Variants in ZDHHC20 observed in about 807,000 individuals in gnomAD.
The protein encoded by ZDHHC20 is zDHHC palmitoyltransferase 20, also known as palmitoyltransferase ZDHHC20.
A neutral mutation model predicts 57.8 loss-of-function variants in ZDHHC20; 43 were observed. The observed-to-expected ratio is 0.74, with a 90% CI of 0.58 to 0.96. The LOEUF (loss-of-function observed/expected upper bound fraction) is 0.96, where lower values mean the gene tolerates loss of function less well. Ranked by LOEUF, ZDHHC20 falls within the 40% of genes least tolerant of loss-of-function variation. The pLI, the probability that ZDHHC20 is intolerant of heterozygous loss-of-function variation, is 0.00. For missense variants in ZDHHC20, 391 were observed against 441.1 expected (o/e 0.89, Z 1.02); for synonymous variants, 157 against 153.0 (o/e 1.03, Z -0.19).
rs1378954708 is a variant in ZDHHC20 at position 21,382,970 on chromosome 13, C to G, written c.894G>C (p.Gly298=). Residue 298 remains glycine (G), a synonymous_variant, in exon 10 of 13, where the codon GGG becomes GGC. Transcript: ENST00000400590. ...DGCSFPTRLV[G]MDPEQASVTN... ...TAACAGAAGCTTGTTCTGGATCCAT[C>G]CCCACAAGGCGAGTTGGAAAACTGC... The G allele has an allele frequency of 6.4e-7, 1 of 1,564,588 alleles. No individual in the cohort carries two copies.
At chr13:21,405,776 G>C (rs1878356251) in intron 4 of ZDHHC20, among the ~76,000 whole-genome samples, 1 of 152,114 alleles carries the variant, frequency 6.6e-6, no homozygotes, top group Non-Finnish European at 1.5e-5. Flanking sequence ...AAAATATGGA[G>C]ACCTATTCAA....
chr13:21,425,777 A>G, intron 1 of ZDHHC20, 99 bp from the exon 2 acceptor site: 1 of 797,670 alleles, frequency 1.3e-6, no homozygotes, highest in Non-Finnish European at 1.7e-6. Context: ...ATTTTCAAAA[A>G]AATAAACTTT....
intron 3 of ZDHHC20, among the ~76,000 whole-genome samples, chr13:21,414,228 C>CTTTT (rs34795716): frequency 4.6e-4 from 65 of 140,760 alleles, no homozygotes; most frequent in African/African-American, 1.6e-3. Context: ...GCCAAGGAGT[C>CTTTT]TTTTTTTTTT....
intron 1 of ZDHHC20, among the ~76,000 whole-genome samples, chr13:21,444,977 G>A (rs949756368): frequency 1.7e-4 from 26 of 152,080 alleles, no homozygotes; most frequent in African/African-American, 4.8e-5. Context: ...GATTGCTTGA[G>A]TCTGGGAGTT....
chr13:21,399,873 C>T (rs1877370444), intron 7 of ZDHHC20, among the ~76,000 whole-genome samples: 1 of 152,000 alleles, frequency 6.6e-6, no homozygotes, highest in Non-Finnish European at 1.5e-5. Context: ...GCATTGCATT[C>T]CTTTGTATAG....
intron 1 of ZDHHC20, among the ~76,000 whole-genome samples, chr13:21,442,582 CT>C (rs1883291826): frequency 6.6e-6 from 1 of 152,094 alleles, no homozygotes; most frequent in African/African-American, 2.4e-5. Flanking sequence ...TGGTGAAACC[CT>C]GTCTCTACTA....
At chr13:21,458,481 G>A (rs1398843967) in intron 1 of ZDHHC20, among the ~76,000 whole-genome samples, 1 of 152,100 alleles carries the variant, frequency 6.6e-6, no homozygotes, top group African/African-American at 2.4e-5. Flanking sequence ...AATGAGTCGA[G>A]TACCACCAAA....
rs1871935465 is a variant in ZDHHC20, at chr13:21,375,477, A to G, written c.*1219T>C. On this transcript the variant is annotated 3_prime_UTR_variant, in exon 13 of 13. Transcript: ENST00000400590. ...TGTCGCTTAGATTTTAAAAGGAAAA[A>G]GGAGAAATGTGTCTAGTCATAAAGG... 4.5e-6 allele frequency: 1 copy of G among 223,774 alleles called. No homozygotes were observed. The highest frequency in any genetic ancestry group is 9.0e-6 in the Non-Finnish European group (1 of 111,692). The allele number at this position is 223,774 out of a possible 1,614,324, so 13.9% of individuals were successfully genotyped here. A position where few individuals can be genotyped will look rare whatever the true frequency, so the allele number is the denominator to read the frequency against.
chr13:21,450,524 C>T (rs1467805236), intron 1 of ZDHHC20, among the ~76,000 whole-genome samples: 1 of 151,972 alleles, frequency 6.6e-6, no homozygotes, highest in African/African-American at 2.4e-5. Flanking sequence ...GACCAGTATG[C>T]TATCTGGTAA....
chr13:21,382,405 C>T (rs183632055), intron 10 of ZDHHC20, among the ~76,000 whole-genome samples: 19 of 152,230 alleles, frequency 1.2e-4, no homozygotes, highest in Admixed American at 7.8e-4. Flanking sequence ...TTAAAAGGAA[C>T]TATTACACTG....
intron 8 of ZDHHC20, among the ~76,000 whole-genome samples, 160 bp downstream of exon 8, chr13:21,391,562 T>C (rs1875714616): frequency 2.0e-5 from 3 of 149,182 alleles, no homozygotes; most frequent in Non-Finnish European, 4.6e-5. Flanking sequence ...TTCTCCCGCC[T>C]CTGTCTCTGC....
rs572826115 is a variant in ZDHHC20, at chr13:21,454,105, C to G, written c.118+4949G>C. ...CTTTGGGAGGCCGAGGTGGGTGGATCGCTTGAGGTCAGGAGTTGAAGACCA... is the reference window on the plus strand; with the variant it reads ...CTTTGGGAGGCCGAGGTGGGTGGATGGCTTGAGGTCAGGAGTTGAAGACCA... On this transcript the variant is annotated intron_variant, in intron 1 of 12. Transcript: ENST00000400590. 6.6e-5 allele frequency among the ~76,000 whole-genome samples: 10 copies of G among 152,160 alleles called. No individual in the cohort carries two copies. The East Asian group carries it at 2.0e-3, about 30-fold the overall frequency.
At position 21,381,441 on chromosome 13, in the gene ZDHHC20, G is replaced by C. The variant is rs1025413720; in HGVS notation, c.1053C>G (p.Val351=). 4.3e-6 allele frequency: 7 copies of C among 1,612,890 alleles called. No homozygotes were observed. Among genetic ancestry groups the C allele is most frequent in the Admixed American group, 1.7e-5 (1 of 59,970 alleles). Residue 351 remains valine (V), a synonymous_variant, in exon 11 of 13, where the codon GTC becomes GTG. Transcript: ENST00000400590. ...WLENGAEEGI[V]KSGTNNHVTV... ...TCAAATGAGAACTATTACCTGATTT[G>C]ACGATGCCTTCTTCAGCTCCATTCT...
chr13:21,428,347 A>T (rs1881520150), intron 1 of ZDHHC20, among the ~76,000 whole-genome samples: 1 of 151,748 alleles, frequency 6.6e-6, no homozygotes, highest in South Asian at 2.1e-4. Context: ...CAACCTCCCG[A>T]GTAGCTGGGA....
intron 1 of ZDHHC20, among the ~76,000 whole-genome samples, chr13:21,427,068 T>A (rs1690279847): frequency 2.0e-5 from 3 of 152,184 alleles, no homozygotes; most frequent in African/African-American, 7.2e-5. Flanking sequence ...TCTTCCTGAG[T>A]CCCTCTTTAG....
intron 4 of ZDHHC20, among the ~76,000 whole-genome samples, chr13:21,411,046 T>C (rs141361434): frequency 4.6e-5 from 7 of 152,278 alleles, no homozygotes; most frequent in African/African-American, 1.4e-4. Context: ...GGGAAAAGCA[T>C]AGTGTCTGGG....
intron 9 of ZDHHC20, among the ~76,000 whole-genome samples, chr13:21,387,122 G>C (rs1874677560): frequency 6.6e-6 from 1 of 152,146 alleles, no homozygotes; most frequent in South Asian, 2.1e-4. Flanking sequence ...GCAGTATGTG[G>C]TTGGTCTTCT....
intron 10 of ZDHHC20, chr13:21,381,963 T>C (rs750823066): frequency 5.8e-6 from 3 of 518,654 alleles, no homozygotes; most frequent in Admixed American, 3.9e-5. Context: ...GAAAAAATGA[T>C]TCAGTGATTT....
intron 1 of ZDHHC20, among the ~76,000 whole-genome samples, chr13:21,451,544 G>T (rs1031500386): frequency 4.6e-5 from 7 of 152,098 alleles, no homozygotes; most frequent in African/African-American, 1.7e-4. Flanking sequence ...AGGCTTACTA[G>T]AAATATATTC....
Sources: allele counts gnomAD v4.1 joint callset (sites outside exome capture counted in the v4.1 genomes callset), GRCh38; gene constraint gnomAD v4.1.1; transcripts MANE v1.5; gene names NCBI Gene and HGNC (gene_info 2026-07-23, HGNC 2026-07-21).